The following MAPKBP1 variants were observed in gnomAD, a reference collection of about 807,000 sequenced individuals.
MAPKBP1 encodes the protein mitogen-activated protein kinase binding protein 1, also known as mitogen-activated protein kinase-binding protein 1.
A neutral mutation model predicts 170.5 loss-of-function variants in MAPKBP1; 71 were observed. The observed-to-expected ratio is 0.42, with a 90% CI of 0.34 to 0.51. The LOEUF is 0.51. Ranked by LOEUF, MAPKBP1 falls within the 20% of genes least tolerant of loss-of-function variation. MAPKBP1 has a pLI of 0.06. For missense variants in MAPKBP1, 1,598 were observed against 1,933.0 expected (o/e 0.83, Z 3.25); for synonymous variants, 719 against 757.9 (o/e 0.95, Z 0.84).
intron 11 of MAPKBP1, 82 bp downstream of exon 11, chr15:41,815,487 G>C: frequency 1.3e-6 from 2 of 1,577,318 alleles, no homozygotes; most frequent in Non-Finnish European, 1.7e-6. Flanking sequence ...CTGGGAACTG[G>C]TCCCTAGGCC....
chr15:41,813,338 C>T, intron 8 of MAPKBP1: 2 of 1,527,920 alleles, frequency 1.3e-6, no homozygotes, highest in African/African-American at 1.4e-5. Flanking sequence ...AGAACATAGA[C>T]AGCTTCACAG....
chr15:41,786,777 A>AAAAAAAAAAAAAATATATATATAT, intron 2 of MAPKBP1, among the ~76,000 whole-genome samples: 3 of 32,468 alleles, frequency 9.2e-5, no homozygotes, highest in African/African-American at 1.3e-4. Context: ...AAAAAAAAAA[A>AAAAAAAAAAAAAATATATATATAT]ATATATATAT....
At chr15:41,812,338 G>T (rs760323789) in intron 6 of MAPKBP1, among the ~76,000 whole-genome samples, 178 bp from the exon 7 acceptor site, 13 of 152,314 alleles carry the variant, frequency 8.5e-5, no homozygotes, top group East Asian at 1.9e-4. Flanking sequence ...TGCAGGAAAC[G>T]AATCTTTTCA....
intron 2 of MAPKBP1, among the ~76,000 whole-genome samples, chr15:41,778,313 AG>A (rs2152066183): frequency 6.6e-6 from 1 of 152,362 alleles, no homozygotes; most frequent in East Asian, 1.9e-4. Flanking sequence ...ATGGTGACAA[AG>A]AAGTAGAGAT....
At position 41,811,171 on chromosome 15, in the gene MAPKBP1, C is replaced by T. The variant is rs2064798693; in HGVS notation, c.270-7C>T. The T allele has an allele frequency of 1.2e-6, 2 of 1,614,186 alleles. No homozygotes were observed. The highest frequency in any genetic ancestry group is 1.1e-5 in the South Asian group (1 of 91,088). On this transcript the variant is annotated splice_region_variant and splice_polypyrimidine_tract_variant and intron_variant, in intron 4 of 30. Transcript: ENST00000457542. Reference sequence around the variant, plus strand: ...GTGCCCCTCTGAGCCTGCCCCATCTCTTGCAGGAAAACCATCACTGCCCTT... The same window carrying T: ...GTGCCCCTCTGAGCCTGCCCCATCTTTTGCAGGAAAACCATCACTGCCCTT...
Position 41,823,223 on chromosome 15 carries a change from G to A in MAPKBP1, c.3598+1G>A. 1 of 1,612,450 alleles carries A rather than the reference G, an allele frequency of 6.2e-7. No homozygotes were observed. The highest frequency in any genetic ancestry group is 1.3e-5 in the African/African-American group (1 of 75,032). ...TCTGTGCACAGTCTGGTGCCACAGG[G>A]TGAGAAGCCTGATGGGTTCAGTGCC... On this transcript the variant is annotated splice_donor_variant, in intron 28 of 30. Transcript: ENST00000457542. LOFTEE classifies it high-confidence loss of function.
chr15:41,812,707 G>T (rs1050952798), intron 7 of MAPKBP1, 54 bp downstream of exon 7: 30 of 1,540,450 alleles, frequency 1.9e-5, no homozygotes, highest in Non-Finnish European at 2.5e-5. Context: ...GGCCTGCCCA[G>T]CCCAACCCAG....
intron 2 of MAPKBP1, among the ~76,000 whole-genome samples, chr15:41,795,757 G>A (rs2064477263): frequency 2.0e-5 from 3 of 152,058 alleles, no homozygotes; most frequent in Admixed American, 1.3e-4. Flanking sequence ...CAGGTGCACG[G>A]CGTCACGCCC....
rs146502661 is a variant in MAPKBP1, at chr15:41,812,106, C to T, written c.477C>T (p.Ile159=). 3.1e-6 allele frequency: 5 copies of T among 1,614,070 alleles called. No homozygotes were observed. Among genetic ancestry groups the T allele is most frequent in the Admixed American group, 1.7e-5 (1 of 59,998 alleles). ...CTGTGGGCTACCAGCATGACATGAT[C>T]GTCAACGTGTGGGCCTGGAAGGTGA... ...IVSVGYQHDM[I]VNVWAWKKNI... Residue 159 remains isoleucine (I), a synonymous_variant, in exon 6 of 31, where the codon ATC becomes ATT. Coordinates refer to ENST00000457542, the MANE Select transcript of MAPKBP1 (RefSeq NM_014994.3).
chr15:41,827,673 C>G lies in MAPKBP1; in HGVS notation c.*2237C>G, dbSNP rs955620695. 7 of 154,358 alleles carry G rather than the reference C, an allele frequency of 4.5e-5. No homozygotes were observed. The highest frequency in any genetic ancestry group is 1.7e-4 in the African/African-American group (7 of 41,554). 9.6% of individuals were successfully genotyped at this position (154,358 alleles called of 1,614,324 possible). On this transcript the variant is annotated 3_prime_UTR_variant, in exon 31 of 31. Transcript: ENST00000457542. Reference sequence around the variant, plus strand: ...CTGCATGTCTGAGGCCACCGGCAACCGCCGCCCCACTCCAGATTTGCCCCC... The same window carrying G: ...CTGCATGTCTGAGGCCACCGGCAACGGCCGCCCCACTCCAGATTTGCCCCC...
At position 41,775,225 on chromosome 15, in the gene MAPKBP1, G is replaced by A. The variant is rs2064076779; in HGVS notation, c.-51G>A. On this transcript the variant is annotated 5_prime_UTR_variant, in exon 2 of 31. Transcript: ENST00000457542. ...AGTGGGAAGACAGTGCCGCTGTTGA[G>A]ACAAGACCCAGGACTGGGCCGGGGA... 1.3e-6 allele frequency: 2 copies of A among 1,487,366 alleles called. No homozygotes were observed. Among genetic ancestry groups the A allele is most frequent in the Admixed American group, 1.7e-5 (1 of 59,100 alleles). 92.1% of individuals were successfully genotyped at this position (1,487,366 alleles called of 1,614,324 possible). A position where few individuals can be genotyped will look rare whatever the true frequency, so the allele number is the denominator to read the frequency against.
intron 20 of MAPKBP1, 73 bp downstream of exon 20, chr15:41,819,030 A>G: frequency 3.8e-6 from 6 of 1,589,578 alleles, no homozygotes; most frequent in African/African-American, 1.3e-5. Context: ...CACTTCCTCC[A>G]TGCTTTGGGC....
At chr15:41,805,425 C>CT (rs2064673108) in intron 3 of MAPKBP1, among the ~76,000 whole-genome samples, 1 of 152,222 alleles carries the variant, frequency 6.6e-6, no homozygotes, top group Non-Finnish European at 1.5e-5. Context: ...CCCTGTGCCC[C>CT]TGTGCCCAGT....
At chr15:41,808,897 C>G (rs1431186106) in intron 3 of MAPKBP1, among the ~76,000 whole-genome samples, 1 of 151,878 alleles carries the variant, frequency 6.6e-6, no homozygotes, top group Non-Finnish European at 1.5e-5. Flanking sequence ...AAAACCCCAT[C>G]TCTACAAAAA....
At position 41,826,404 on chromosome 15, in the gene MAPKBP1, A is replaced by T. The variant is rs962013029; in HGVS notation, c.*968A>T. 2 of 152,264 alleles carry T rather than the reference A, an allele frequency of 1.3e-5. No individual in the cohort carries two copies. Among genetic ancestry groups the T allele is most frequent in the African/African-American group, 2.4e-5 (1 of 41,434 alleles). The allele number at this position is 152,264 out of a possible 1,614,324, so 9.4% of individuals were successfully genotyped here. On this transcript the variant is annotated 3_prime_UTR_variant, in exon 31 of 31. Coordinates refer to ENST00000457542, the MANE Select transcript of MAPKBP1 (RefSeq NM_014994.3). ...CATGCACGTGCACACATGTACACAC[A>T]CACACCTACCTGCACAGCACGCTGT...
At chr15:41,816,517 G>T (rs771865126) in intron 12 of MAPKBP1, 42 bp from the exon 13 acceptor site, 1 of 1,424,926 alleles carries the variant, frequency 7.0e-7, no homozygotes, top group Non-Finnish European at 9.9e-7. Context: ...TCCTTCCTGC[G>T]GCCTGGCCAT....
At chr15:41,794,016 G>C (rs1375373262) in intron 2 of MAPKBP1, among the ~76,000 whole-genome samples, 1 of 152,140 alleles carries the variant, frequency 6.6e-6, no homozygotes, top group South Asian at 2.1e-4. Flanking sequence ...GATTGCTTGA[G>C]GTCAGGAGTT....
intron 11 of MAPKBP1, 40 bp from the exon 12 acceptor site, chr15:41,815,584 C>A: frequency 1.3e-6 from 2 of 1,593,668 alleles, no homozygotes. Flanking sequence ...CTGTACTGGT[C>A]AGGCCTGCCT....
rs1012903368 is a variant in MAPKBP1, at chr15:41,826,676, G to A, written c.*1240G>A. On this transcript the variant is annotated 3_prime_UTR_variant, in exon 31 of 31. Coordinates refer to ENST00000457542, the MANE Select transcript of MAPKBP1 (RefSeq NM_014994.3). ...AAGGCAGTGCTGGGCACCCACGGGT[G>A]TGCTGGATACTGGAGTTTGAGAGGA... The A allele has an allele frequency of 6.6e-6, 1 of 152,224 alleles. No individual in the cohort carries two copies. Among genetic ancestry groups the A allele is most frequent in the African/African-American group, 2.4e-5 (1 of 41,396 alleles). The allele number at this position is 152,224 out of a possible 1,614,324, so 9.4% of individuals were successfully genotyped here. A position where few individuals can be genotyped will look rare whatever the true frequency, so the allele number is the denominator to read the frequency against.
Sources: allele counts gnomAD v4.1 joint callset (sites outside exome capture counted in the v4.1 genomes callset), GRCh38; gene constraint gnomAD v4.1.1; transcripts MANE v1.5; gene names NCBI Gene and HGNC (gene_info 2026-07-23, HGNC 2026-07-21).